The following CELF2 variants were observed in gnomAD, a reference collection of about 807,000 sequenced individuals.
CELF2 encodes CUG triplet repeat RNA-binding protein 2.
Under a neutral mutation model 62.6 loss-of-function variants are expected in CELF2, and 8 were observed. The observed-to-expected ratio is 0.13, with a 90% CI of 0.07 to 0.23. CELF2 has a LOEUF of 0.23. CELF2 is among the 10% of genes least tolerant of loss of function. CELF2 has a pLI of 1.00. For missense variants in CELF2, 333 were observed against 671.0 expected (o/e 0.50, Z 5.56); for synonymous variants, 258 against 250.0 (o/e 1.03, Z -0.30).
At chr10:11,320,315 G>A (rs1457587657) in intron 10 of CELF2, among the ~76,000 whole-genome samples, 1 of 152,200 alleles carries the variant, frequency 6.6e-6, no homozygotes, top group Non-Finnish European at 1.5e-5. Flanking sequence ...CCCATCAGGT[G>A]ATAGCCAAGG....
chr10:10,844,633 T>A (rs973664969), intron 1 of CELF2, among the ~76,000 whole-genome samples: 3 of 152,156 alleles, frequency 2.0e-5, no homozygotes, highest in Non-Finnish European at 1.5e-5. Context: ...ACAAATGCCT[T>A]ATGCTAATAC....
chr10:11,191,729 A>C lies in CELF2; in HGVS notation c.272-25696A>C, dbSNP rs2076331186. On this transcript the variant is annotated intron_variant, in intron 2 of 12. Coordinates refer to ENST00000633077, the MANE Select transcript of CELF2 (RefSeq NM_001326342.2). The surrounding 1 kb of genome is among the most constrained non-coding windows in gnomAD (Gnocchi z 4.1). Reference sequence around the variant, plus strand: ...AGACTGGACTTCTTCATAAGTGAAAAATAGTTACATAATGGTTATCTCATT... The same window carrying C: ...AGACTGGACTTCTTCATAAGTGAAACATAGTTACATAATGGTTATCTCATT... 6.6e-6 allele frequency among the ~76,000 whole-genome samples: 1 copy of C among 152,150 alleles called. No homozygotes were observed. The highest frequency in any genetic ancestry group is 6.5e-5 in the Admixed American group (1 of 15,286).
intron 2 of CELF2, among the ~76,000 whole-genome samples, chr10:10,923,608 T>C (rs1026004635): frequency 6.6e-6 from 1 of 152,240 alleles, no homozygotes; most frequent in African/African-American, 2.4e-5. Flanking sequence ...AATGTGTTTT[T>C]GAATTCTTGC....
chr10:11,166,151 A>T (rs2067093781), intron 2 of CELF2, among the ~76,000 whole-genome samples: 1 of 152,240 alleles, frequency 6.6e-6, no homozygotes, highest in African/African-American at 2.4e-5. Context: ...AGTTGACGTG[A>T]TGCCACTGGT....
the CELF2 span, among the ~76,000 whole-genome samples, chr10:10,606,935 TAAGG>T: frequency 6.6e-6 from 1 of 152,194 alleles, no homozygotes; most frequent in African/African-American, 2.4e-5. Flanking sequence ...TACCCTGGGG[TAAGG>T]TTACCCTCAC....
At chr10:10,863,554 T>G (rs770988577) in intron 1 of CELF2, among the ~76,000 whole-genome samples, 1 of 152,140 alleles carries the variant, frequency 6.6e-6, no homozygotes, top group Non-Finnish European at 1.5e-5. Context: ...GATAAAATAA[T>G]TCATGGAAAC....
intron 1 of CELF2, among the ~76,000 whole-genome samples, chr10:11,091,010 T>C (rs1008405931): frequency 2.6e-5 from 4 of 152,234 alleles, no homozygotes; most frequent in African/African-American, 9.6e-5. Flanking sequence ...TTATAATCCA[T>C]AGTTAATGTG....
chr10:11,198,220 T>C (rs1486739113), intron 2 of CELF2, among the ~76,000 whole-genome samples: 1 of 152,252 alleles, frequency 6.6e-6, no homozygotes, highest in African/African-American at 2.4e-5. Flanking sequence ...GCTTATTCTG[T>C]TCCGTGTGGC....
intron 1 of CELF2, among the ~76,000 whole-genome samples, chr10:11,050,670 C>T (rs1489894434): frequency 1.3e-5 from 2 of 152,224 alleles, no homozygotes; most frequent in African/African-American, 4.8e-5. Context: ...TCCATTCCAA[C>T]ATCACCACTC....
chr10:11,080,861 C>A (rs776808433), intron 1 of CELF2, among the ~76,000 whole-genome samples: 3 of 152,224 alleles, frequency 2.0e-5, no homozygotes, highest in Non-Finnish European at 4.4e-5. Context: ...TGATCCACGT[C>A]TGTTGTCATT....
intron 9 of CELF2, among the ~76,000 whole-genome samples, chr10:11,299,074 T>A (rs1328132351): frequency 6.6e-6 from 1 of 152,248 alleles, no homozygotes; most frequent in East Asian, 1.9e-4. Flanking sequence ...CGGGGAACTT[T>A]CTACCTACCA....
chr10:10,506,812 G>A, the CELF2 span, among the ~76,000 whole-genome samples: 4 of 149,964 alleles, frequency 2.7e-5, no homozygotes, highest in East Asian at 2.0e-4. Flanking sequence ...TTACAGGCAC[G>A]TACCACCACG....
At chr10:10,485,780 C>A in the CELF2 span, among the ~76,000 whole-genome samples, 1 of 152,136 alleles carries the variant, frequency 6.6e-6, no homozygotes, top group Non-Finnish European at 1.5e-5. Flanking sequence ...CTATCCTATC[C>A]GTTCCTAAAA....
the CELF2 span, among the ~76,000 whole-genome samples, chr10:10,519,404 G>C: frequency 6.6e-6 from 1 of 152,158 alleles, no homozygotes; most frequent in Non-Finnish European, 1.5e-5. Flanking sequence ...CATTGCTTTT[G>C]ACAGTTTTTG....
chr10:10,608,050 C>T, the CELF2 span, among the ~76,000 whole-genome samples: 1 of 152,154 alleles, frequency 6.6e-6, no homozygotes, highest in African/African-American at 2.4e-5. Flanking sequence ...ATCACTTGAA[C>T]CCAGGAGGTG....
At position 11,075,364 on chromosome 10, in the gene CELF2, G is replaced by T. The variant is rs1324631722; in HGVS notation, c.74+57201G>T. ...AAACAGAAAAAAAGAAAAGGTTAAT[G>T]TGAGAACTGCCCAGTAAAAAGATTA... On this transcript the variant is annotated intron_variant, in intron 1 of 12. Coordinates refer to ENST00000633077, the MANE Select transcript of CELF2 (RefSeq NM_001326342.2). This position sits in a 1 kb window ranked among gnomAD's most constrained non-coding sequence, Gnocchi z 5.4. The T allele has an allele frequency of 6.6e-6, 1 of 152,140 alleles. No homozygotes were observed. The highest frequency in any genetic ancestry group is 1.9e-4 in the East Asian group (1 of 5,196). The allele number at this position is 152,140 out of a possible 1,614,324, so 9.4% of individuals were successfully genotyped here.
At chr10:10,891,707 C>T (rs141879403) in intron 1 of CELF2, among the ~76,000 whole-genome samples, 45 of 152,250 alleles carry the variant, frequency 3.0e-4, no homozygotes, top group Non-Finnish European at 4.9e-4. Context: ...ATTAGCTGCA[C>T]GGGCAGACTG....
the CELF2 span, among the ~76,000 whole-genome samples, chr10:10,661,743 TC>T: frequency 3.9e-5 from 6 of 152,214 alleles, no homozygotes; most frequent in African/African-American, 1.4e-4. Context: ...AGACAGGAAT[TC>T]TTATGCAAGG....
chr10:10,584,956 G>C, the CELF2 span, among the ~76,000 whole-genome samples: 22 of 152,248 alleles, frequency 1.4e-4, 1 homozygote, highest in South Asian at 3.7e-3. Flanking sequence ...TTTGAGAGAA[G>C]TAAGTTTGAT....
Sources: gnomAD v4.1 joint callset for allele counts (sites outside exome capture counted in the v4.1 genomes callset) on GRCh38, gnomAD v4.1.1 for gene constraint, Gnocchi (gnomAD v3.1) non-coding constraint, MANE v1.5 for transcripts, NCBI Gene and HGNC (gene_info 2026-07-23, HGNC 2026-07-21) for gene names.